Variants in ADGRB1 observed in about 807,000 individuals in gnomAD.
ADGRB1 encodes adhesion G protein-coupled receptor B1, also known as brain-specific angiogenesis inhibitor 1.
ADGRB1 carries 36 observed loss-of-function variants against 175.7 expected under a neutral mutation model. The ratio of observed to expected loss-of-function variants is 0.20; its 90% CI spans 0.16 to 0.27. The LOEUF is 0.27. Ranked by LOEUF, ADGRB1 falls within the 10% of genes least tolerant of loss-of-function variation. The pLI is 1.00. For synonymous variants in ADGRB1, 1,054 were observed against 979.4 expected (o/e 1.08, Z -1.42); for missense variants, 1,731 against 2,255.3 (o/e 0.77, Z 4.71).
chr8:142,541,531 C>T (rs755778530), intron 27 of ADGRB1, among the ~76,000 whole-genome samples: 67 of 152,306 alleles, frequency 4.4e-4, no homozygotes, highest in Non-Finnish European at 7.6e-4. Context: ...GGCCCAGGGC[C>T]GTGGGCGTCG....
At chr8:142,469,223 G>C (rs188962553) in intron 2 of ADGRB1, among the ~76,000 whole-genome samples, 128 of 151,832 alleles carry the variant, frequency 8.4e-4, no homozygotes, top group African/African-American at 3.0e-3. Context: ...GTGCATATCT[G>C]TGAATGTGAA....
Position 142,464,987 on chromosome 8 carries a change from G to A in ADGRB1, c.784+5G>A. On this transcript the variant is annotated splice_donor_5th_base_variant and intron_variant, in intron 2 of 30. Coordinates refer to ENST00000517894, the MANE Select transcript of ADGRB1 (RefSeq NM_001702.3). ...GGGGCGGGCACGGCGCCACAGGTGA[G>A]TGACTGGCGGGGAAACCTTCGGACA... 6.8e-7 allele frequency: 1 copy of A among 1,479,604 alleles called. No homozygotes were observed. The highest frequency in any genetic ancestry group is 2.3e-5 in the Admixed American group (1 of 43,728). The allele number at this position is 1,479,604 out of a possible 1,614,324, so 91.7% of individuals were successfully genotyped here. A position where few individuals can be genotyped will look rare whatever the true frequency, so the allele number is the denominator to read the frequency against.
At chr8:142,505,058 G>C (rs1189062916) in intron 17 of ADGRB1, among the ~76,000 whole-genome samples, 2 of 145,338 alleles carry the variant, frequency 1.4e-5, no homozygotes, top group East Asian at 4.5e-4. Flanking sequence ...GCTCTGGCTT[G>C]GTGGGTGGGT....
Position 142,542,144 on chromosome 8 carries a change from A to C in ADGRB1, c.3910A>C (p.Asn1304His), listed in dbSNP as rs1456662771. ...YPGGPLPDFP[N>H]HSLTLKRDKA... is the part of the protein sequence containing the mutation. ...CGGCGGGCCCCTGCCCGACTTCCCC[A>C]ACCACTCACTGACCCTCAAGAGGGA... is the stretch of plus-strand genomic sequence containing the variant. The change falls in exon 28 of 31, where the codon AAC becomes CAC. Residue 1304 changes from asparagine (N) to histidine (H), a missense_variant. Physicochemically the swap from Asn to His is moderately conservative, Grantham distance 68. Transcript: ENST00000517894. This position sits in a 1 kb window ranked among gnomAD's most constrained non-coding sequence, Gnocchi z 6.3. The C allele has an allele frequency of 6.2e-7, 1 of 1,613,232 alleles. No homozygotes were observed. The highest frequency in any genetic ancestry group is 1.7e-5 in the Admixed American group (1 of 60,006).
Position 142,485,584 on chromosome 8 carries a change from A to G in ADGRB1, c.2308+820A>G, listed in dbSNP as rs1841628879. Among the ~76,000 whole-genome samples, 3 of 152,208 alleles carry G rather than the reference A, an allele frequency of 2.0e-5. 1 individual carries two copies. The South Asian group carries it at 6.2e-4, about 31-fold the overall frequency. ...GGAGAGTGTCACCTCCCCTGTGGGG[A>G]TGCTTCACCTTTAGTGATATGACCA... On this transcript the variant is annotated intron_variant, in intron 13 of 30. Coordinates refer to ENST00000517894, the MANE Select transcript of ADGRB1 (RefSeq NM_001702.3).
chr8:142,475,701 G>A (rs1264021473), intron 3 of ADGRB1, 66 bp downstream of exon 3: 3 of 1,211,158 alleles, frequency 2.5e-6, no homozygotes, highest in South Asian at 4.2e-5. Context: ...GGGAGGAGAG[G>A]GGGGTGGGGC....
At chr8:142,534,036 C>T (rs892275192) in intron 25 of ADGRB1, among the ~76,000 whole-genome samples, 3 of 152,230 alleles carry the variant, frequency 2.0e-5, no homozygotes, top group African/African-American at 7.2e-5. Flanking sequence ...CCACCTCCCC[C>T]TTCCTGGGTC....
chr8:142,522,088 C>T lies in ADGRB1; in HGVS notation c.3148C>T (p.Arg1050Cys). ...GGGCCACCTCCGGAACCGCCTCATC[C>T]GCAAGCGCTTCCTCTGCCTGGGCTG... Reference protein sequence around the residue: ...VTGHLRNRLIRKRFLCLGWGL... With the variant: ...VTGHLRNRLICKRFLCLGWGL... Residue 1050 changes from arginine to cysteine, a missense_variant, in exon 21 of 31, where the codon CGC (arginine) becomes TGC (cysteine). Arg to Cys is a radical substitution (Grantham distance 180). Transcript: ENST00000517894. The T allele has an allele frequency of 6.2e-7, 1 of 1,611,544 alleles. No individual in the cohort carries two copies. Among genetic ancestry groups the T allele is most frequent in the Non-Finnish European group, 8.5e-7 (1 of 1,179,680 alleles).
intron 17 of ADGRB1, among the ~76,000 whole-genome samples, chr8:142,499,507 A>G (rs1468471797): frequency 6.6e-6 from 1 of 152,100 alleles, no homozygotes; most frequent in Non-Finnish European, 1.5e-5. Flanking sequence ...TTCCTAGAGG[A>G]AGGGAGGGAG....
At chr8:142,524,113 G>A (rs918790481) in intron 22 of ADGRB1, 125 bp from the exon 23 acceptor site, 12 of 1,058,290 alleles carry the variant, frequency 1.1e-5, no homozygotes, top group Middle Eastern at 2.0e-4. Flanking sequence ...CATGCCGAAG[G>A]CGCTTAATAA....
At position 142,543,665 on chromosome 8, in the gene ADGRB1, A is replaced by G; in HGVS notation, c.4514A>G (p.His1505Arg). Residue 1505 changes from histidine to arginine, a missense_variant, in exon 30 of 31, where the codon CAC (histidine) becomes CGC (arginine). Around this residue, in one of 8 missense-constraint regions of ADGRB1, gnomAD observed 394 missense variants for 410.2 expected, o/e 0.96. Coordinates refer to ENST00000517894, the MANE Select transcript of ADGRB1 (RefSeq NM_001702.3). This position sits in a 1 kb window ranked among gnomAD's most constrained non-coding sequence, Gnocchi z 4.4. ...MFQDLNRKLQ[H>R]AAEKDKEVLG... is the part of the protein sequence containing the mutation. ...CAGGACCTGAACCGGAAGCTGCAGC[A>G]CGCAGCGGAGAAGGACAAGGAGGTG... 7.4e-7 allele frequency: 1 copy of G among 1,351,798 alleles called. No homozygotes were observed. The highest frequency in any genetic ancestry group is 9.8e-7 in the Non-Finnish European group (1 of 1,021,930). 83.7% of individuals were successfully genotyped at this position (1,351,798 alleles called of 1,614,324 possible).
intron 1 of ADGRB1, among the ~76,000 whole-genome samples, chr8:142,453,811 G>A (rs74627000): frequency 0.014 from 2,152 of 152,352 alleles, 44 homozygotes; most frequent in African/African-American, 0.049. Flanking sequence ...AACCTACAGA[G>A]GCCTAGAAGT....
At chr8:142,526,749 G>A (rs1844225735) in intron 24 of ADGRB1, 122 bp downstream of exon 24, 2 of 1,023,654 alleles carry the variant, frequency 2.0e-6, no homozygotes, top group Admixed American at 4.1e-5. Flanking sequence ...GGACCCCGGA[G>A]CGGGTGGGAA....
intron 17 of ADGRB1, among the ~76,000 whole-genome samples, chr8:142,502,650 G>A (rs1842680719): frequency 3.3e-5 from 2 of 60,838 alleles, no homozygotes; most frequent in South Asian, 5.4e-4. Context: ...GGTGGTGATG[G>A]TGGTGATGGT....
rs1222108456 is a variant in ADGRB1, at chr8:142,489,013, T to A, written c.2453-22T>A. ...TGGCTGTGGGGATGGCGGGCCGGGG[T>A]TGACAGTGCACTTTCTTCCAGAGGC... On this transcript the variant is annotated intron_variant, in intron 14 of 30. Transcript: ENST00000517894. 2.5e-6 allele frequency: 4 copies of A among 1,608,714 alleles called. No individual in the cohort carries two copies. In the Admixed American group the frequency reaches 6.7e-5, roughly 27 times the overall value.
intron 17 of ADGRB1, among the ~76,000 whole-genome samples, chr8:142,495,224 T>C (rs1842157552): frequency 6.6e-6 from 1 of 151,866 alleles, no homozygotes; most frequent in Non-Finnish European, 1.5e-5. Flanking sequence ...CAGCTGTGGG[T>C]TGCTGGGGGA....
At chr8:142,505,863 T>G (rs1842823024) in intron 17 of ADGRB1, among the ~76,000 whole-genome samples, 1 of 152,124 alleles carries the variant, frequency 6.6e-6, no homozygotes, top group Non-Finnish European at 1.5e-5. Context: ...TCTCCATGCA[T>G]TTTCAGATAA....
chr8:142,541,847 G>A (rs538488531), intron 27 of ADGRB1, 94 bp from the exon 28 acceptor site: 100 of 1,338,424 alleles, frequency 7.5e-5, no homozygotes, highest in African/African-American at 1.0e-4. Context: ...TGGCGGCCTC[G>A]CAGGGCAGAC....
intron 17 of ADGRB1, among the ~76,000 whole-genome samples, chr8:142,499,410 G>A (rs374858261): frequency 1.2e-4 from 19 of 152,234 alleles, no homozygotes; most frequent in African/African-American, 4.3e-4. Flanking sequence ...GCAGGCAGCC[G>A]CTCAAAAGAG....
Sources: allele counts gnomAD v4.1 joint callset (sites outside exome capture counted in the v4.1 genomes callset), GRCh38; gene constraint gnomAD v4.1.1; regional missense constraint gnomAD v4.1.1; non-coding constraint Gnocchi (gnomAD v3.1); transcripts MANE v1.5; gene names NCBI Gene and HGNC (gene_info 2026-07-23, HGNC 2026-07-21).